The following CDON variants were observed in gnomAD, a reference collection of about 807,000 sequenced individuals.
CDON encodes the protein cell adhesion molecule-related/down-regulated by oncogenes.
A neutral mutation model predicts 120.9 loss-of-function variants in CDON; 73 were observed. The ratio of observed to expected loss-of-function variants is 0.60; its 90% CI spans 0.50 to 0.73. CDON has a LOEUF of 0.73. CDON is among the 30% of genes least tolerant of loss of function. CDON has a pLI of 0.00. For missense variants in CDON, 1,470 were observed against 1,587.3 expected (o/e 0.93, Z 1.26); for synonymous variants, 566 against 573.5 (o/e 0.99, Z 0.19).
At chr11:126,025,940 A>G (rs1285562561) in intron 1 of CDON, among the ~76,000 whole-genome samples, 31 of 152,154 alleles carry the variant, frequency 2.0e-4, no homozygotes, top group Admixed American at 2.0e-3. Flanking sequence ...CTTCTATGCT[A>G]CCTCTACACC....
chr11:126,021,720 C>T (rs906875424), intron 2 of CDON, among the ~76,000 whole-genome samples, 200 bp from the exon 3 acceptor site: 4 of 152,138 alleles, frequency 2.6e-5, no homozygotes, highest in Non-Finnish European at 4.4e-5. Context: ...AAAAGAGCAA[C>T]ATGTTAGCCT....
chr11:125,963,155 C>G (rs1018514184), intron 18 of CDON, among the ~76,000 whole-genome samples: 2 of 152,116 alleles, frequency 1.3e-5, no homozygotes, highest in Non-Finnish European at 2.9e-5. Context: ...AAATCTCACA[C>G]ATTTTATTTC....
intron 1 of CDON, among the ~76,000 whole-genome samples, chr11:126,045,230 G>T (rs113821616): frequency 0.031 from 4,768 of 152,264 alleles, 248 homozygotes; most frequent in African/African-American, 0.11. Flanking sequence ...GTTTCACCAT[G>T]TTGGCCAGGA....
At chr11:126,045,853 C>T (rs909337430) in intron 1 of CDON, among the ~76,000 whole-genome samples, 5 of 151,916 alleles carry the variant, frequency 3.3e-5, no homozygotes, top group African/African-American at 1.2e-4. Flanking sequence ...GCCTGTAATC[C>T]CAGCTACTTT....
intron 3 of CDON, among the ~76,000 whole-genome samples, chr11:126,020,335 G>C (rs1947596807): frequency 6.6e-6 from 1 of 152,004 alleles, no homozygotes; most frequent in Admixed American, 6.6e-5. Flanking sequence ...AATGAACCTA[G>C]GACATCAAAA....
chr11:125,983,657 G>T (rs1047020409), intron 16 of CDON, among the ~76,000 whole-genome samples: 1 of 152,144 alleles, frequency 6.6e-6, no homozygotes, highest in South Asian at 2.1e-4. Flanking sequence ...TTTGGCTTTG[G>T]TGTTTATGTC....
chr11:126,003,234 G>A (rs1233235665), intron 10 of CDON, among the ~76,000 whole-genome samples: 1 of 152,146 alleles, frequency 6.6e-6, no homozygotes, highest in African/African-American at 2.4e-5. Context: ...ACATGTAAAA[G>A]GCATTCAATA....
intron 2 of CDON, 60 bp downstream of exon 2, chr11:126,023,341 T>C (rs1591397966): frequency 9.7e-7 from 1 of 1,031,808 alleles, no homozygotes; most frequent in East Asian, 2.4e-5. Flanking sequence ...TACAAATTTA[T>C]GTTTTATAGG....
chr11:125,960,059 T>G lies in CDON; in HGVS notation c.*883A>C, dbSNP rs754757550. ...ACACTATGACTAGTGCCTAGCAAAC[T>G]GAACATCACTCGTGCCCACGTGCAG... On this transcript the variant is annotated 3_prime_UTR_variant, in exon 20 of 20. Coordinates refer to ENST00000531738, the MANE Select transcript of CDON (RefSeq NM_001378964.1). 6.6e-5 allele frequency: 10 copies of G among 152,190 alleles called. No individual in the cohort carries two copies. The highest frequency in any genetic ancestry group is 1.2e-4 in the Non-Finnish European group (8 of 68,038). The allele number at this position is 152,190 out of a possible 1,614,324, so 9.4% of individuals were successfully genotyped here. A position where few individuals can be genotyped will look rare whatever the true frequency, so the allele number is the denominator to read the frequency against.
At position 126,018,372 on chromosome 11, in the gene CDON, G is replaced by C. The variant is rs749603423; in HGVS notation, c.598C>G (p.Gln200Glu). 6.2e-7 allele frequency: 1 copy of C among 1,613,896 alleles called. No individual in the cohort carries two copies. The highest frequency in any genetic ancestry group is 8.5e-7 in the Non-Finnish European group (1 of 1,179,862). ...CGGCCAATAGGTTCAACTTTTAATT[G>C]ATGTGTGACAGGATTATAAGCTGCA... The part of the protein sequence containing the change: ...KCAAYNPVTH[Q>E]LKVEPIGRKL... Residue 200 changes from glutamine (Q) to glutamate (E), a missense_variant, in exon 5 of 20, where the codon CAA (glutamine) becomes GAA (glutamate). Coordinates refer to ENST00000531738, the MANE Select transcript of CDON (RefSeq NM_001378964.1).
rs199957528 is a variant in CDON at position 125,981,225 on chromosome 11, C to T, written c.3100G>A (p.Gly1034Arg). 90 of 1,614,032 alleles carry T rather than the reference C, an allele frequency of 5.6e-5. No homozygotes were observed. Among genetic ancestry groups the T allele is most frequent in the Middle Eastern group, 1.6e-4 (1 of 6,082 alleles). Residue 1034 changes from glycine to arginine, a missense_variant, in exon 17 of 20, where the codon GGA (glycine) becomes AGA (arginine). Coordinates refer to ENST00000531738, the MANE Select transcript of CDON (RefSeq NM_001378964.1). ...AGACCGCCATTGGTTAGGAAGCCTC[C>T]GTGAACATTTCCATTTATCTGACTT... ...GASQINGNVH[G>R]GFLTNGGLSS...
At chr11:126,043,907 A>G (rs560710011) in intron 1 of CDON, among the ~76,000 whole-genome samples, 3 of 152,342 alleles carry the variant, frequency 2.0e-5, no homozygotes, top group African/African-American at 7.2e-5. Flanking sequence ...CTGATCAATA[A>G]ATTATGGTGA....
At chr11:126,051,935 C>T (rs1450912836) in intron 1 of CDON, among the ~76,000 whole-genome samples, 1 of 152,138 alleles carries the variant, frequency 6.6e-6, no homozygotes, top group Admixed American at 6.5e-5. Flanking sequence ...AGGCATGAAC[C>T]ACCGCACCTG....
intron 18 of CDON, among the ~76,000 whole-genome samples, chr11:125,968,150 C>T (rs1208993212): frequency 6.6e-6 from 1 of 152,148 alleles, no homozygotes; most frequent in Non-Finnish European, 1.5e-5. Flanking sequence ...AAACCTAGGA[C>T]AGTTCCCTAC....
chr11:126,006,164 G>A (rs1016701042), intron 8 of CDON, 107 bp from the exon 9 acceptor site: 26 of 1,015,330 alleles, frequency 2.6e-5, no homozygotes, highest in African/African-American at 4.8e-5. Flanking sequence ...CACAATTTGA[G>A]CCCCAGAAGT....
Position 125,957,667 on chromosome 11 carries a change from G to T in CDON, c.*3275C>A, listed in dbSNP as rs1045245873. 2.6e-5 allele frequency: 4 copies of T among 152,154 alleles called. No homozygotes were observed. Among genetic ancestry groups the T allele is most frequent in the African/African-American group, 9.7e-5 (4 of 41,414 alleles). The allele number at this position is 152,154 out of a possible 1,614,324, so 9.4% of individuals were successfully genotyped here. ...ATTCAATGATAAACTTCACTTCTTGGCAGTACTATAGCTGGAATGAGATCT... is the reference window on the plus strand; with the variant it reads ...ATTCAATGATAAACTTCACTTCTTGTCAGTACTATAGCTGGAATGAGATCT... On this transcript the variant is annotated 3_prime_UTR_variant, in exon 20 of 20. Transcript: ENST00000531738.
rs1945566210 is a variant in CDON at position 125,958,975 on chromosome 11, G to A, written c.*1967C>T. On this transcript the variant is annotated 3_prime_UTR_variant, in exon 20 of 20. Coordinates refer to ENST00000531738, the MANE Select transcript of CDON (RefSeq NM_001378964.1). ...GTCCTTTGCTAGTCACAGAAGTAAG[G>A]GATGCAGCTATCCCCCTCCAGAGCT... 6.6e-6 allele frequency: 1 copy of A among 152,096 alleles called. No homozygotes were observed. The highest frequency in any genetic ancestry group is 1.5e-5 in the Non-Finnish European group (1 of 68,026). The allele number at this position is 152,096 out of a possible 1,614,324, so 9.4% of individuals were successfully genotyped here.
rs375574830 is a variant in CDON at position 126,028,412 on chromosome 11, G to A, written c.-61-4875C>T. 3.4e-5 allele frequency among the ~76,000 whole-genome samples: 5 copies of A among 149,110 alleles called. No homozygotes were observed. The South Asian group carries it at 6.2e-4, about 19-fold the overall frequency. The stretch of plus-strand genomic sequence containing the variant: ...ATGGAATCTTGCTGTCACCCAGGCT[G>A]GAGTGCAGTGGCATGATCTTGGCTC... On this transcript the variant is annotated intron_variant, in intron 1 of 19. Transcript: ENST00000531738.
chr11:126,033,674 A>ACT (rs1384848579), intron 1 of CDON, among the ~76,000 whole-genome samples: 1 of 152,140 alleles, frequency 6.6e-6, no homozygotes, highest in Admixed American at 6.5e-5. Flanking sequence ...CTTCATGCTT[A>ACT]CTAAAGGCTT....
Sources: gnomAD v4.1 joint callset for allele counts (sites outside exome capture counted in the v4.1 genomes callset) on GRCh38, gnomAD v4.1.1 for gene constraint, MANE v1.5 for transcripts, NCBI Gene and HGNC (gene_info 2026-07-23, HGNC 2026-07-21) for gene names.